The following ZFYVE9 variants were observed in gnomAD, a reference collection of about 807,000 sequenced individuals.
ZFYVE9 encodes zinc finger FYVE domain-containing protein 9.
ZFYVE9 carries 43 observed loss-of-function variants against 126.7 expected under a neutral mutation model. The ratio of observed to expected loss-of-function variants is 0.34; its 90% CI spans 0.27 to 0.44. The LOEUF (loss-of-function observed/expected upper bound fraction) is 0.44. Ranked by LOEUF, ZFYVE9 falls within the 20% of genes least tolerant of loss-of-function variation. ZFYVE9 has a pLI of 1.00. For synonymous variants in ZFYVE9, 521 were observed against 597.4 expected (o/e 0.87, Z 1.87); for missense variants, 1,476 against 1,697.0 (o/e 0.87, Z 2.29).
At chr1:52,239,808 C>T (rs1645315542) in intron 4 of ZFYVE9, among the ~76,000 whole-genome samples, 5 of 152,036 alleles carry the variant, frequency 3.3e-5, no homozygotes, top group Admixed American at 3.3e-4. Flanking sequence ...ACGATTTATG[C>T]TGAATCAGTT....
intron 14 of ZFYVE9, among the ~76,000 whole-genome samples, chr1:52,333,962 A>T (rs1255294827): frequency 6.6e-6 from 1 of 152,072 alleles, no homozygotes; most frequent in East Asian, 1.9e-4. Flanking sequence ...GCATGCTGGC[A>T]CATGCCTGTA....
At chr1:52,344,052 CAG>C (rs928572328) in intron 17 of ZFYVE9, among the ~76,000 whole-genome samples, 1 of 148,592 alleles carries the variant, frequency 6.7e-6, no homozygotes, top group African/African-American at 2.5e-5. Context: ...AGCCTGGTGA[CAG>C]AGTGAGACTT....
At chr1:52,271,790 C>A (rs1390920329) in intron 7 of ZFYVE9, among the ~76,000 whole-genome samples, 1 of 152,106 alleles carries the variant, frequency 6.6e-6, no homozygotes, top group East Asian at 1.9e-4. Flanking sequence ...AAAACTTTGT[C>A]CTAAGTAGAG....
rs140369808 is a variant in ZFYVE9, at chr1:52,204,537, G to A, written c.-142-11832G>A. Among the ~76,000 whole-genome samples, 292 of 152,194 alleles carry A rather than the reference G, an allele frequency of 1.9e-3. 5 individuals carry two copies. Among genetic ancestry groups the A allele is most frequent in the Non-Finnish European group, 2.5e-3 (172 of 67,990 alleles). On this transcript the variant is annotated intron_variant, in intron 1 of 18. Transcript: ENST00000287727. ...AGGTCAGGAGTTCAAGACCAGCCTG[G>A]CCAAAATGGTGAAACCCCGTCTCTG...
chr1:52,333,860 G>A (rs1646366279), intron 14 of ZFYVE9, among the ~76,000 whole-genome samples: 1 of 152,042 alleles, frequency 6.6e-6, no homozygotes, highest in Admixed American at 6.5e-5. Flanking sequence ...GGAGGCCGAG[G>A]TGGGTGGATC....
chr1:52,258,415 G>T (rs1645543612), intron 4 of ZFYVE9, among the ~76,000 whole-genome samples: 1 of 152,094 alleles, frequency 6.6e-6, no homozygotes, highest in African/African-American at 2.4e-5. Context: ...GAATGACTGA[G>T]GTTGCTACTG....
In ZFYVE9 at chr1:52,202,094, A is replaced by G. The variant is rs575475376; in HGVS notation, c.-142-14275A>G. Among the ~76,000 whole-genome samples the G allele has an allele frequency of 6.6e-5, 10 of 152,246 alleles. No homozygotes were observed. In the East Asian group the frequency reaches 1.9e-3, roughly 30 times the overall value. On this transcript the variant is annotated intron_variant, in intron 1 of 18. Coordinates refer to ENST00000287727, the MANE Select transcript of ZFYVE9 (RefSeq NM_004799.4). ...CCACCGCACACAGCCCAAAGTGATT[A>G]TTGATATAATCTCCTTCACTTTTGA...
intron 4 of ZFYVE9, among the ~76,000 whole-genome samples, chr1:52,257,049 A>G (rs1262370218): frequency 2.0e-5 from 3 of 152,238 alleles, no homozygotes; most frequent in African/African-American, 2.4e-5. Context: ...CAAGAATTGC[A>G]AAGGAATAAG....
intron 1 of ZFYVE9, among the ~76,000 whole-genome samples, chr1:52,214,109 G>T (rs1283300260): frequency 6.6e-6 from 1 of 152,196 alleles, no homozygotes; most frequent in African/African-American, 2.4e-5. Context: ...GGTGCAGGTT[G>T]AAAGTAGATT....
At position 52,241,787 on chromosome 1, in the gene ZFYVE9, A is replaced by G. The variant is rs147650827; in HGVS notation, c.2178+2192A>G. On this transcript the variant is annotated intron_variant, in intron 4 of 18. Transcript: ENST00000287727. ...TCAGAAGAAAAGGGCTTATAAACAT[A>G]GATACTAATTGGATTATGCTGAGAA... Among the ~76,000 whole-genome samples the G allele has an allele frequency of 2.4e-3, 362 of 152,338 alleles. 8 individuals are homozygous for G. The highest frequency in any genetic ancestry group is 8.5e-3 in the African/African-American group (355 of 41,578).
At chr1:52,170,340 T>C (rs1317431315) in intron 1 of ZFYVE9, among the ~76,000 whole-genome samples, 1 of 152,124 alleles carries the variant, frequency 6.6e-6, no homozygotes, top group African/African-American at 2.4e-5. Context: ...TCTGATTTCG[T>C]TTGAGTCTTC....
chr1:52,346,116 T>C lies in ZFYVE9; in HGVS notation c.4173T>C (p.Asp1391=), dbSNP rs1318073368. The C allele has an allele frequency of 6.2e-7, 1 of 1,613,188 alleles. No individual in the cohort carries two copies. Among genetic ancestry groups the C allele is most frequent in the South Asian group, 1.1e-5 (1 of 91,020 alleles). The change falls in exon 19 of 19, where the codon GAT becomes GAC. Residue 1391 remains aspartate (D), a synonymous_variant. Transcript: ENST00000287727. ...CCCTTCCCTCGCAGTACATGAATGA[T>C]CTGGACAGCGCCTTGGTGCCGGTGA... is the stretch of plus-strand genomic sequence containing the variant. The part of the protein sequence containing the change: ...GQPLPSQYMN[D]LDSALVPVIH...
At chr1:52,287,643 G>A (rs189814469) in intron 10 of ZFYVE9, among the ~76,000 whole-genome samples, 4 of 150,728 alleles carry the variant, frequency 2.7e-5, no homozygotes, top group Admixed American at 2.7e-4. Context: ...AGGATTGCTT[G>A]AGGCCAGGAC....
intron 15 of ZFYVE9, among the ~76,000 whole-genome samples, chr1:52,336,367 TG>T (rs371808194): frequency 0.058 from 6,414 of 110,826 alleles, 677 homozygotes; most frequent in Non-Finnish European, 0.069. Context: ...AGGTTTTTTT[TG>T]TTTTTTTTTT....
At chr1:52,252,622 T>A (rs567193537) in intron 4 of ZFYVE9, 54 of 272,778 alleles carry the variant, frequency 2.0e-4, no homozygotes, top group Admixed American at 4.3e-4. Flanking sequence ...CCTCCCAAAG[T>A]GCTGGAATTA....
At chr1:52,177,501 C>A (rs1644647270) in intron 1 of ZFYVE9, among the ~76,000 whole-genome samples, 1 of 152,122 alleles carries the variant, frequency 6.6e-6, no homozygotes, top group Non-Finnish European at 1.5e-5. Flanking sequence ...CAGTACATGA[C>A]CCATGTACTC....
intron 12 of ZFYVE9, among the ~76,000 whole-genome samples, chr1:52,299,783 G>C (rs1646015057): frequency 6.6e-6 from 1 of 152,242 alleles, no homozygotes; most frequent in Admixed American, 6.5e-5. Context: ...GAGAGATGCA[G>C]TGGCAATTGG....
chr1:52,189,533 G>A (rs1047599132), intron 1 of ZFYVE9, among the ~76,000 whole-genome samples: 1 of 151,176 alleles, frequency 6.6e-6, no homozygotes, highest in Non-Finnish European at 1.5e-5. Context: ...CACTGAGCCC[G>A]GCCTAATTTG....
In ZFYVE9 at chr1:52,344,408, GATC is replaced by G. The variant is rs1646466647; in HGVS notation, c.3940-357_3940-355del. 2.0e-5 allele frequency among the ~76,000 whole-genome samples: 3 copies of G among 152,218 alleles called. No individual in the cohort carries two copies. In the South Asian group the frequency reaches 6.2e-4, roughly 31 times the overall value. Reference sequence around the variant, plus strand: ...ATAAGAGCCATTCTCTTAGACTTAAGATCATTTTCTAGGTAAATTGTCCACATA... The same window carrying G: ...ATAAGAGCCATTCTCTTAGACTTAAGATTTTCTAGGTAAATTGTCCACATA... On this transcript the variant is annotated intron_variant, in intron 17 of 18. Coordinates refer to ENST00000287727, the MANE Select transcript of ZFYVE9 (RefSeq NM_004799.4).
Sources: gnomAD v4.1 joint callset for allele counts (sites outside exome capture counted in the v4.1 genomes callset) on GRCh38, gnomAD v4.1.1 for gene constraint, MANE v1.5 for transcripts, NCBI Gene and HGNC (gene_info 2026-07-23, HGNC 2026-07-21) for gene names.